Variants in NBPF12 observed in about 807,000 individuals in gnomAD.
NBPF12 encodes the protein NBPF member 12.
Under a neutral mutation model 146.4 loss-of-function variants are expected in NBPF12, and 115 were observed. The ratio of observed to expected loss-of-function variants is 0.79; its 90% CI spans 0.68 to 0.92. The LOEUF is 0.92. Ranked by LOEUF, NBPF12 falls within the 40% of genes least tolerant of loss-of-function variation. The probability of loss-of-function intolerance (pLI) is 0.00; values close to 1 mark genes in which losing one functional copy is unlikely to be tolerated. For missense variants in NBPF12, 1,205 were observed against 1,326.8 expected, an observed-to-expected ratio of 0.91 and a Z score of 1.43; for synonymous variants, 385 against 508.9, an observed-to-expected ratio of 0.76 and a Z score of 3.28.
In NBPF12 at chr1:146,953,631, A is replaced by T. The variant is rs1246259289; in HGVS notation, c.-184+2142A>T. ...AAATTGAAAACTTTTTTCATGATTT[A>T]TAAAAACAAACCCCAGAAAATGCTC... On this transcript the variant is annotated intron_variant, in intron 2 of 33. Coordinates refer to ENST00000617844, the Ensembl canonical transcript of NBPF12. Among the ~76,000 whole-genome samples the T allele has an allele frequency of 5.2e-3, 741 of 141,262 alleles. 6 individuals are homozygous for T. Among genetic ancestry groups the T allele is most frequent in the African/African-American group, 0.019 (695 of 36,862 alleles). The allele number at this position is 141,262 out of a possible 152,430, so 92.7% of individuals were successfully genotyped here. A position where few individuals can be genotyped will look rare whatever the true frequency, so the allele number is the denominator to read the frequency against.
chr1:146,950,519 G>A lies in NBPF12; in HGVS notation c.-325-829G>A, dbSNP rs1465176575. Among the ~76,000 whole-genome samples the A allele has an allele frequency of 4.0e-5, 6 of 151,782 alleles. No homozygotes were observed. The South Asian group carries it at 6.2e-4, about 16-fold the overall frequency. On this transcript the variant is annotated intron_variant, in intron 1 of 33. Transcript: ENST00000617844. ...AATCCAGCAGGAGTTTCTTAGTTAG[G>A]ATCCACAGCCTGGGACTGACCCTCT... is the stretch of plus-strand genomic sequence containing the variant.
intron 21 of NBPF12, among the ~76,000 whole-genome samples, chr1:146,984,591 G>C (rs1400964504): frequency 1.3e-5 from 1 of 77,540 alleles, no homozygotes; most frequent in East Asian, 5.5e-4. Flanking sequence ...GTGTGTGTGT[G>C]TGTGTGTGTG....
chr1:146,966,006 C>G (rs2101859599), intron 8 of NBPF12, among the ~76,000 whole-genome samples: 1 of 151,592 alleles, frequency 6.6e-6, no homozygotes, highest in South Asian at 2.1e-4. Flanking sequence ...GCTTGGCAGG[C>G]TGAGTGATGA....
rs1490101851 is a variant in NBPF12 at position 146,992,429 on chromosome 1, G to A, written c.3849-283G>A. Among the ~76,000 whole-genome samples the A allele has an allele frequency of 2.3e-5, 3 of 130,882 alleles. 1 individual carries two copies. Among genetic ancestry groups the A allele is most frequent in the Admixed American group, 1.6e-4 (2 of 12,766 alleles). The allele number at this position is 130,882 out of a possible 152,430, so 85.9% of individuals were successfully genotyped here. On this transcript the variant is annotated intron_variant, in intron 31 of 33. Transcript: ENST00000617844. ...GTGTGTCACCTGGACAATTCACTGA[G>A]CTCGTTCTCTCTCTCTCTCTCTCTC...
upstream of NBPF12, among the ~76,000 whole-genome samples, chr1:146,947,962 T>G (rs1655145983): frequency 6.6e-6 from 1 of 152,020 alleles, no homozygotes; most frequent in African/African-American, 2.4e-5. Context: ...AGATGATACA[T>G]TTTCACATAA....
intron 4 of NBPF12, among the ~76,000 whole-genome samples, chr1:146,960,691 A>G (rs1655792954): frequency 2.0e-5 from 3 of 151,938 alleles, no homozygotes; most frequent in African/African-American, 7.3e-5. Flanking sequence ...GGACTAGTGA[A>G]CTTTTATTCA....
exon 34 of NBPF12, chr1:146,994,846 G>T: frequency 4.8e-6 from 3 of 621,296 alleles, no homozygotes; most frequent in South Asian, 2.0e-5. Context: ...TGTATCTCTG[G>T]GTAGCTACAA....
At chr1:146,992,433 G>GC (rs1658232282) in intron 31 of NBPF12, among the ~76,000 whole-genome samples, 1 of 94,006 alleles carries the variant, frequency 1.1e-5, no homozygotes. Flanking sequence ...CACTGAGCTC[G>GC]TTCTCTCTCT....
intron 33 of NBPF12, 149 bp from the exon 37 acceptor site, chr1:146,994,183 C>G (rs587596138): frequency 6.7e-7 from 1 of 1,501,750 alleles, no homozygotes; most frequent in Non-Finnish European, 9.1e-7. Context: ...CTGTTCTATC[C>G]CAACATAAAG....
chr1:146,945,138 C>G (rs1200587540), upstream of NBPF12, among the ~76,000 whole-genome samples: 4 of 142,274 alleles, frequency 2.8e-5, no homozygotes, highest in African/African-American at 1.1e-4. Context: ...TTTTCTTTTT[C>G]TTTCTCTCTC....
chr1:146,970,758 C>G (rs1330226304), intron 12 of NBPF12, 39 bp downstream of exon 15: 32 of 1,291,040 alleles, frequency 2.5e-5, no homozygotes, highest in Non-Finnish European at 3.2e-5. Flanking sequence ...TGGGTGTTAA[C>G]ATATGAAAAT....
At position 146,982,938 on chromosome 1, in the gene NBPF12, G is replaced by T; in HGVS notation, c.2461G>T (p.Glu821Ter). The T allele has an allele frequency of 6.2e-7, 1 of 1,605,764 alleles. No individual in the cohort carries two copies. Among genetic ancestry groups the T allele is most frequent in the Non-Finnish European group, 8.5e-7 (1 of 1,177,086 alleles). Residue 821 changes from glutamate (E) to a stop codon, truncating the protein, a stop_gained, in exon 20 of 34, where the codon GAG (glutamate) becomes TAG (stop). Coordinates refer to ENST00000617844, the Ensembl canonical transcript of NBPF12. LOFTEE classifies it high-confidence loss of function. ...TGCCTGGCTCATCAGGAATCTGCAGGAGTCTGAAGAGGAGGAAGTCCCCCA... is the reference window on the plus strand; with the variant it reads ...TGCCTGGCTCATCAGGAATCTGCAGTAGTCTGAAGAGGAGGAAGTCCCCCA...
chr1:146,963,765 A>G (rs1656015170), intron 6 of NBPF12, among the ~76,000 whole-genome samples: 2 of 149,044 alleles, frequency 1.3e-5, no homozygotes, highest in East Asian at 2.0e-4. Context: ...GCATCCAAAT[A>G]TGGGAACACT....
chr1:146,955,753 G>A (rs1570828833), intron 2 of NBPF12, among the ~76,000 whole-genome samples: 2 of 151,316 alleles, frequency 1.3e-5, no homozygotes, highest in Non-Finnish European at 2.9e-5. Context: ...CCCTTATCTT[G>A]TCTCCTGCTA....
At chr1:146,957,837 A>AACG (rs1655663389) in intron 2 of NBPF12, among the ~76,000 whole-genome samples, 1 of 62,718 alleles carries the variant, frequency 1.6e-5, no homozygotes, top group African/African-American at 6.2e-5. Flanking sequence ...GAAAAAAAAA[A>AACG]TATAATATAT....
In NBPF12 at chr1:146,962,143, T is replaced by G; in HGVS notation, c.176-18T>G. On this transcript the variant is annotated intron_variant, in intron 4 of 33. Transcript: ENST00000617844. ...GTCCAGCCTTCCACTGAGGCAGGCG[T>G]GTCTGTCTTTTTCTCAGAGTATGAA... The G allele has an allele frequency of 6.2e-7, 1 of 1,608,072 alleles. No individual in the cohort carries two copies. The highest frequency in any genetic ancestry group is 8.5e-7 in the Non-Finnish European group (1 of 1,177,460).
chr1:146,994,854 C>A (rs1215630466), exon 34 of NBPF12: 12 of 573,124 alleles, frequency 2.1e-5, no homozygotes, highest in Non-Finnish European at 2.9e-5. Flanking sequence ...TGGGTAGCTA[C>A]AAAATTCCTC....
rs587630954 is a variant in NBPF12 at position 146,994,313 on chromosome 1, G to T, written c.4131-19G>T. 6.2e-7 allele frequency: 1 copy of T among 1,611,298 alleles called. No individual in the cohort carries two copies. Among genetic ancestry groups the T allele is most frequent in the African/African-American group, 1.3e-5 (1 of 74,480 alleles). Reference sequence around the variant, plus strand: ...CTGACTTTCCCTGGCTGCTTCTTTAGTTTTGTCTCCTTTTCCAGGCTCAAC... The same window carrying T: ...CTGACTTTCCCTGGCTGCTTCTTTATTTTTGTCTCCTTTTCCAGGCTCAAC... On this transcript the variant is annotated intron_variant, in intron 33 of 33. Coordinates refer to ENST00000617844, the Ensembl canonical transcript of NBPF12.
chr1:146,987,792 C>T (rs1657886810), intron 25 of NBPF12, among the ~76,000 whole-genome samples, 162 bp from the exon 29 acceptor site: 1 of 151,896 alleles, frequency 6.6e-6, no homozygotes, highest in Admixed American at 6.6e-5. Flanking sequence ...TTCCATTTGG[C>T]CCTGTTCTGT....
Sources: allele counts gnomAD v4.1 joint callset (sites outside exome capture counted in the v4.1 genomes callset), GRCh38; gene constraint gnomAD v4.1.1; transcripts MANE v1.5; gene names NCBI Gene and HGNC (gene_info 2026-07-23, HGNC 2026-07-21).